The following UGT2B11 variants were observed in gnomAD, a reference collection of about 807,000 sequenced individuals.
The protein encoded by UGT2B11 is UDP-glucuronosyltransferase 2B11.
UGT2B11 carries 49 observed loss-of-function variants against 51.7 expected under a neutral mutation model. The observed-to-expected ratio is 0.95, with a 90% CI of 0.75 to 1.20. The LOEUF is 1.20. UGT2B11 is among the 50% of genes most tolerant of loss of function. The probability of loss-of-function intolerance (pLI) is 0.00; values close to 1 mark genes in which losing one functional copy is unlikely to be tolerated. For synonymous variants in UGT2B11, 273 were observed against 209.0 expected, an observed-to-expected ratio of 1.31 and a Z score of -2.64; for missense variants, 810 against 622.1, an observed-to-expected ratio of 1.30 and a Z score of -3.21.
Position 69,208,400 on chromosome 4 carries a change from G to C in UGT2B11, c.953C>G (p.Ala318Gly). The C allele has an allele frequency of 1.2e-6, 2 of 1,610,754 alleles. No homozygotes were observed. The highest frequency in any genetic ancestry group is 1.7e-6 in the Non-Finnish European group (2 of 1,178,136). The change falls in exon 3 of 6, where the codon GCA (alanine) becomes GGA (glycine). Residue 318 changes from alanine to glycine, a missense_variant. Transcript: ENST00000446444. ...SLGSVISNMTAERANVIATAL... is the reference protein window; with the variant it reads ...SLGSVISNMTGERANVIATAL... ...TGTTGCAATTACATTGGCCCTTTCT[G>C]CTGTCATGTTACTTATCACTGACCC...
the UGT2B11 span, among the ~76,000 whole-genome samples, chr4:69,223,672 C>T: frequency 6.6e-6 from 1 of 152,082 alleles, no homozygotes; most frequent in African/African-American, 2.4e-5. Flanking sequence ...CAACAGGAGG[C>T]TTATTAAGCT....
At chr4:69,210,509 G>T (rs1271271208) in intron 2 of UGT2B11, among the ~76,000 whole-genome samples, 3 of 151,538 alleles carry the variant, frequency 2.0e-5, no homozygotes, top group African/African-American at 7.3e-5. Flanking sequence ...CCGTTGACTT[G>T]CATTCAAAGC....
chr4:69,216,161 G>C (rs1348596704), upstream of UGT2B11: 1 of 151,992 alleles, frequency 6.6e-6, no homozygotes, highest in Non-Finnish European at 1.5e-5. Context: ...AAGCTGTTCA[G>C]ATAACAGCTC....
At position 69,200,507 on chromosome 4, in the gene UGT2B11, A is replaced by G. The variant is rs755713568; in HGVS notation, c.1523T>C (p.Ile508Thr). The stretch of plus-strand genomic sequence containing the variant: ...GAAACAAAACAGACAAAACTTTGTG[A>G]TGATAAATATCACAGTTGCCACACA... Reference protein sequence around the residue: ...LACVATVIFIITKFCLFCFWK... With the variant: ...LACVATVIFITTKFCLFCFWK... The change falls in exon 6 of 6, where the codon ATC (isoleucine) becomes ACC (threonine). Residue 508 changes from isoleucine to threonine, a missense_variant. Transcript: ENST00000446444. 1 of 1,612,160 alleles carries G rather than the reference A, an allele frequency of 6.2e-7. No homozygotes were observed. The highest frequency in any genetic ancestry group is 1.1e-5 in the South Asian group (1 of 91,014).
chr4:69,205,777 A>G, intron 3 of UGT2B11: 2 of 509,960 alleles, frequency 3.9e-6, no homozygotes, highest in Non-Finnish European at 6.2e-6. Flanking sequence ...AAACAGTACC[A>G]TAGAAAAATA....
rs529717524 is a variant in UGT2B11 at position 69,214,455 on chromosome 4, T to G, written c.268A>C (p.Ile90Leu). 1.2e-6 allele frequency: 2 copies of G among 1,613,260 alleles called. No individual in the cohort carries two copies. Among genetic ancestry groups the G allele is most frequent in the East Asian group, 2.2e-5 (1 of 44,812 alleles). ...SLTKTEFENI[I>L]MQQVKRWSDI... The stretch of plus-strand genomic sequence containing the variant: ...GACCATCTCTTAACCTGTTGCATGA[T>G]GATATTCTCAAATTCAGTTTTAGTT... The change falls in exon 1 of 6, where the codon ATC becomes CTC. Residue 90 changes from isoleucine to leucine, a missense_variant. Physicochemically the swap from Ile to Leu is conservative, Grantham distance 5. Coordinates refer to ENST00000446444, the MANE Select transcript of UGT2B11 (RefSeq NM_001073.3).
rs554410741 is a variant in UGT2B11, at chr4:69,207,025, T to C, written c.1002+1326A>G. On this transcript the variant is annotated intron_variant, in intron 3 of 5. Coordinates refer to ENST00000446444, the MANE Select transcript of UGT2B11 (RefSeq NM_001073.3). ...TTCCCAGAAAAATTTCAAGCGACAA[T>C]TTTTGACACAAATTCAGAATATTAC... Among the ~76,000 whole-genome samples, 6 of 151,732 alleles carry C rather than the reference T, an allele frequency of 4.0e-5. No homozygotes were observed. In the South Asian group the frequency reaches 1.2e-3, roughly 32 times the overall value.
the UGT2B11 span, among the ~76,000 whole-genome samples, chr4:69,224,392 A>T: frequency 6.6e-5 from 10 of 152,074 alleles, no homozygotes; most frequent in Non-Finnish European, 1.5e-4. Context: ...AAAGTGAAAG[A>T]GTATGAACCG....
chr4:69,215,882 A>G (rs1233390418), upstream of UGT2B11: 2 of 152,070 alleles, frequency 1.3e-5, no homozygotes, highest in Non-Finnish European at 2.9e-5. Flanking sequence ...TGGAGGGAAA[A>G]GTGAATAAAT....
At chr4:69,211,534 C>T (rs1240483975) in intron 2 of UGT2B11, among the ~76,000 whole-genome samples, 1 of 151,538 alleles carries the variant, frequency 6.6e-6, no homozygotes, top group Admixed American at 6.6e-5. Flanking sequence ...CACAAAATAA[C>T]CATAATTACA....
chr4:69,214,475 T>C lies in UGT2B11; in HGVS notation c.248A>G (p.Lys83Arg), dbSNP rs769747292. The C allele has an allele frequency of 1.2e-6, 2 of 1,613,252 alleles. No homozygotes were observed. The highest frequency in any genetic ancestry group is 1.3e-5 in the African/African-American group (1 of 74,974). The change falls in exon 1 of 6, where the codon AAA (lysine) becomes AGA (arginine). Residue 83 changes from lysine to arginine, a missense_variant. Transcript: ENST00000446444. ...CATGATGATATTCTCAAATTCAGTT[T>C]TAGTTAAAGATGTAGGATAAACTTC... is the stretch of plus-strand genomic sequence containing the variant. ...KFEVYPTSLT[K>R]TEFENIIMQQ...
intron 5 of UGT2B11, among the ~76,000 whole-genome samples, chr4:69,201,726 C>T (rs1239499855): frequency 6.6e-6 from 1 of 151,730 alleles, no homozygotes; most frequent in African/African-American, 2.4e-5. Flanking sequence ...ATGGAGCCTC[C>T]AGGATTTTCT....
chr4:69,206,414 G>A (rs1248648100), intron 3 of UGT2B11, among the ~76,000 whole-genome samples: 1 of 151,614 alleles, frequency 6.6e-6, no homozygotes, highest in Non-Finnish European at 1.5e-5. Context: ...ATGAGTGGAA[G>A]CTAAAAGATG....
chr4:69,217,321 T>C (rs190578058), upstream of UGT2B11, among the ~76,000 whole-genome samples: 33 of 152,274 alleles, frequency 2.2e-4, no homozygotes, highest in East Asian at 3.7e-3. Flanking sequence ...GACAAATTTG[T>C]TTTTATTCTA....
intron 1 of UGT2B11, among the ~76,000 whole-genome samples, chr4:69,213,315 T>C (rs1722144520): frequency 1.3e-5 from 2 of 151,796 alleles, no homozygotes; most frequent in African/African-American, 4.8e-5. Context: ...AATAGAGAAC[T>C]GTACTCAACC....
the UGT2B11 span, among the ~76,000 whole-genome samples, chr4:69,223,134 T>C: frequency 6.6e-6 from 1 of 152,194 alleles, no homozygotes; most frequent in Non-Finnish European, 1.5e-5. Context: ...AATTAATACT[T>C]CCCTCAGGGG....
chr4:69,203,425 G>A (rs1200972083), intron 5 of UGT2B11, among the ~76,000 whole-genome samples: 7 of 151,714 alleles, frequency 4.6e-5, no homozygotes, highest in Non-Finnish European at 8.9e-5. Context: ...AATGCAACAA[G>A]TACTTTGGAA....
rs147034719 is a variant in UGT2B11 at position 69,205,550 on chromosome 4, G to A, written c.1020C>T (p.Asp340=). 7.4e-3 allele frequency: 11,898 copies of A among 1,609,612 alleles called. 53 individuals are homozygous for A. The highest frequency in any genetic ancestry group is 8.9e-3 in the Non-Finnish European group (10,500 of 1,177,378). The change falls in exon 4 of 6, where the codon GAC becomes GAT. Residue 340 remains aspartate, a synonymous_variant. Transcript: ENST00000446444. ...GACCTAAGGCATCTGGTTTATTCCC[G>A]TCAAATCTCCACAGAACCTGTTACA... ...KIPQKVLWRF[D]GNKPDALGLN...
At chr4:69,215,527 A>C (rs1329924282), upstream of UGT2B11, 1 of 152,044 alleles carries the variant, frequency 6.6e-6, no homozygotes, top group East Asian at 1.9e-4. Flanking sequence ...TTCATTTATA[A>C]GTTGATAGAT....
Sources: allele counts gnomAD v4.1 joint callset (sites outside exome capture counted in the v4.1 genomes callset), GRCh38; gene constraint gnomAD v4.1.1; transcripts MANE v1.5; gene names NCBI Gene and HGNC (gene_info 2026-07-23, HGNC 2026-07-21).